Variants in PRLR observed in about 807,000 individuals in gnomAD.
PRLR encodes the protein prolactin receptor, also known as hPRL receptor.
PRLR carries 13 observed loss-of-function variants against 40.2 expected under a neutral mutation model. The ratio of observed to expected loss-of-function variants is 0.32; its 90% CI spans 0.21 to 0.51. The LOEUF is 0.51. Among genes scored for constraint, PRLR ranks in the 20% least tolerant of loss-of-function variants. PRLR has a pLI of 0.97. For missense variants in PRLR, 656 were observed against 747.3 expected (o/e 0.88, Z 1.42); for synonymous variants, 269 against 278.7 (o/e 0.97, Z 0.35).
At chr5:35,054,201 TGGCAA>T (rs1265313296), downstream of PRLR, among the ~76,000 whole-genome samples, 1 of 152,244 alleles carries the variant, frequency 6.6e-6, no homozygotes, top group Non-Finnish European at 1.5e-5. Context: ...ACTACACTGA[TGGCAA>T]GGGTACACAT....
At chr5:35,122,092 TTTC>T (rs1773311673) in intron 1 of PRLR, among the ~76,000 whole-genome samples, 1 of 152,156 alleles carries the variant, frequency 6.6e-6, no homozygotes, top group African/African-American at 2.4e-5. Context: ...ACAATAAATA[TTTC>T]TTGTCACACT....
At chr5:35,155,087 G>A (rs981640028) in intron 1 of PRLR, among the ~76,000 whole-genome samples, 6 of 148,444 alleles carry the variant, frequency 4.0e-5, no homozygotes, top group African/African-American at 1.6e-4. Flanking sequence ...AAACCACCAC[G>A]GCACATGTTT....
chr5:35,100,939 T>C (rs937890390), intron 2 of PRLR, among the ~76,000 whole-genome samples: 2 of 152,232 alleles, frequency 1.3e-5, no homozygotes, highest in African/African-American at 4.8e-5. Flanking sequence ...TGTTGTGCTC[T>C]GAGCTAAGAG....
At chr5:35,080,191 G>T (rs1579597366) in intron 5 of PRLR, among the ~76,000 whole-genome samples, 3 of 152,262 alleles carry the variant, frequency 2.0e-5, no homozygotes, top group African/African-American at 2.4e-5. Flanking sequence ...TGACAAATGG[G>T]ATCTAATTAA....
At chr5:35,205,822 A>G (rs944008875) in intron 1 of PRLR, among the ~76,000 whole-genome samples, 6 of 152,182 alleles carry the variant, frequency 3.9e-5, no homozygotes, top group Non-Finnish European at 1.5e-5. Context: ...GAACTAGGAC[A>G]TGTCATTCTG....
rs138811008 is a variant in PRLR, at chr5:35,169,650, T to C, written c.-105-51528A>G. On this transcript the variant is annotated intron_variant, in intron 1 of 9. Transcript: ENST00000618457. ...ACAACAATTTTAGCAATGATTCTTATGAGGAAATATCATGGAAGATCTCCA... is the reference window on the plus strand; with the variant it reads ...ACAACAATTTTAGCAATGATTCTTACGAGGAAATATCATGGAAGATCTCCA... 2.3e-3 allele frequency among the ~76,000 whole-genome samples: 355 copies of C among 152,336 alleles called. 1 individual carries two copies. Among genetic ancestry groups the C allele is most frequent in the African/African-American group, 8.2e-3 (340 of 41,576 alleles).
At chr5:35,073,923 A>G (rs1381302073) in intron 5 of PRLR, among the ~76,000 whole-genome samples, 2 of 152,156 alleles carry the variant, frequency 1.3e-5, no homozygotes, top group Non-Finnish European at 2.9e-5. Context: ...AGAGATTGGA[A>G]CCCTCAATAC....
At chr5:35,084,839 T>C (rs1040404188) in intron 4 of PRLR, among the ~76,000 whole-genome samples, 200 bp from the exon 5 acceptor site, 4 of 152,132 alleles carry the variant, frequency 2.6e-5, no homozygotes, top group African/African-American at 9.7e-5. Flanking sequence ...TTGGAAAGGT[T>C]ATTTTAGGGC....
downstream of PRLR, among the ~76,000 whole-genome samples, chr5:35,050,735 C>G (rs1308167995): frequency 3.9e-5 from 6 of 152,146 alleles, no homozygotes; most frequent in Non-Finnish European, 7.3e-5. Context: ...ATAATAGAGT[C>G]CAGTAAGGCT....
At chr5:35,081,868 A>AC (rs1770545975) in intron 5 of PRLR, 1 of 174,194 alleles carries the variant, frequency 5.7e-6, no homozygotes, top group Non-Finnish European at 1.2e-5. Flanking sequence ...TAACAGTGAC[A>AC]CCCCCTCTTC....
At chr5:35,074,718 T>C (rs985626619) in intron 5 of PRLR, among the ~76,000 whole-genome samples, 1 of 151,940 alleles carries the variant, frequency 6.6e-6, no homozygotes, top group African/African-American at 2.4e-5. Context: ...TTGCATACTA[T>C]AAAATAGTTG....
intron 2 of PRLR, among the ~76,000 whole-genome samples, chr5:35,113,668 A>C (rs902344867): frequency 2.0e-5 from 3 of 152,216 alleles, no homozygotes; most frequent in Non-Finnish European, 4.4e-5. Flanking sequence ...ACCTCCTAGT[A>C]CTTCCAGTCT....
chr5:35,054,743 G>A (rs115728597), downstream of PRLR, among the ~76,000 whole-genome samples: 2,300 of 152,192 alleles, frequency 0.015, 57 homozygotes, highest in African/African-American at 0.052. Flanking sequence ...ACCCAATGCC[G>A]AATGAAAGAA....
At chr5:35,086,656 C>A (rs535130195) in intron 3 of PRLR, among the ~76,000 whole-genome samples, 27 of 151,964 alleles carry the variant, frequency 1.8e-4, no homozygotes, top group African/African-American at 6.5e-4. Context: ...AAAGAATGAG[C>A]CTTGAATGCA....
At chr5:35,134,406 G>C (rs749565079) in intron 1 of PRLR, among the ~76,000 whole-genome samples, 1 of 152,024 alleles carries the variant, frequency 6.6e-6, no homozygotes, top group South Asian at 2.1e-4. Flanking sequence ...GGCGGGGAGT[G>C]GGGGAGGGGG....
At chr5:35,165,653 A>G in intron 1 of PRLR, among the ~76,000 whole-genome samples, 1 of 152,196 alleles carries the variant, frequency 6.6e-6, no homozygotes, top group Non-Finnish European at 1.5e-5. Context: ...GCTTATTTAC[A>G]GTAGTACGAT....
rs772289196 is a variant in PRLR, at chr5:35,070,111, C to A, written c.685+13G>T. On this transcript the variant is annotated intron_variant, in intron 7 of 9. Coordinates refer to ENST00000618457, the MANE Select transcript of PRLR (RefSeq NM_000949.7). The stretch of plus-strand genomic sequence containing the variant: ...ATTTAGGGACATAAGCAAAAAAGAG[C>A]CAAGACGCTCACCACTAGGTATCTG... 1 of 1,593,328 alleles carries A rather than the reference C, an allele frequency of 6.3e-7. No homozygotes were observed. Among genetic ancestry groups the A allele is most frequent in the Non-Finnish European group, 8.5e-7 (1 of 1,174,666 alleles).
At chr5:35,179,538 C>T (rs1775236641) in intron 1 of PRLR, among the ~76,000 whole-genome samples, 1 of 152,192 alleles carries the variant, frequency 6.6e-6, no homozygotes, top group East Asian at 1.9e-4. Context: ...ACTACCTGTG[C>T]CTCATTGCGA....
intron 1 of PRLR, among the ~76,000 whole-genome samples, chr5:35,177,544 A>G (rs2111966658): frequency 6.6e-6 from 1 of 152,298 alleles, no homozygotes; most frequent in South Asian, 2.1e-4. Context: ...GACATATCAT[A>G]CACATGGAAT....
Sources: gnomAD v4.1 joint callset for allele counts (sites outside exome capture counted in the v4.1 genomes callset) on GRCh38, gnomAD v4.1.1 for gene constraint, MANE v1.5 for transcripts, NCBI Gene and HGNC (gene_info 2026-07-23, HGNC 2026-07-21) for gene names.